Variants in AGMO observed in about 807,000 individuals in gnomAD.
AGMO encodes glyceryl-ether monooxygenase.
In AGMO, 75 loss-of-function variants were observed where a neutral mutation model predicts 60.2. The observed-to-expected ratio is 1.25, with a 90% CI of 1.03 to 1.51. The LOEUF is 1.51. AGMO is among the 40% of genes most tolerant of loss of function. The probability of loss-of-function intolerance (pLI) is 0.00; values close to 1 mark genes in which losing one functional copy is unlikely to be tolerated. For missense variants in AGMO, 763 were observed against 525.5 expected, an observed-to-expected ratio of 1.45 and a Z score of -4.42; for synonymous variants, 261 against 177.1, an observed-to-expected ratio of 1.47 and a Z score of -3.76.
chr7:15,212,066 G>C (rs1781606890), intron 12 of AGMO, among the ~76,000 whole-genome samples: 1 of 151,886 alleles, frequency 6.6e-6, no homozygotes, highest in African/African-American at 2.4e-5. Context: ...TATCTTTGCT[G>C]TATTCTAAAC....
intron 12 of AGMO, among the ~76,000 whole-genome samples, chr7:15,243,824 G>T (rs772899503): frequency 6.6e-6 from 1 of 151,946 alleles, no homozygotes; most frequent in Admixed American, 6.6e-5. Context: ...CCACTTGTCC[G>T]GTTTTGTCTG....
intron 4 of AGMO, 88 bp downstream of exon 4, chr7:15,430,917 A>ACTTTTT: frequency 2.5e-6 from 1 of 405,234 alleles, no homozygotes; most frequent in Non-Finnish European, 4.1e-6. Context: ...ACCTTCTATT[A>ACTTTTT]GTTTTTTTTT....
intron 12 of AGMO, 56 bp from the exon 13 acceptor site, chr7:15,201,415 C>CCCAA: frequency 8.2e-7 from 1 of 1,219,342 alleles, no homozygotes; most frequent in South Asian, 1.3e-5. Context: ...AATACTATTG[C>CCCAA]TCAACTGAAT....
chr7:15,333,368 A>G (rs184502241), intron 12 of AGMO, among the ~76,000 whole-genome samples: 44 of 152,302 alleles, frequency 2.9e-4, no homozygotes, highest in Non-Finnish European at 4.6e-4. Context: ...TGGTCTTAGA[A>G]ACATCAAAGT....
chr7:15,139,758 A>G, the AGMO span, among the ~76,000 whole-genome samples: 1 of 147,870 alleles, frequency 6.8e-6, no homozygotes, highest in Non-Finnish European at 1.5e-5. Context: ...TTTCCAATAT[A>G]TTCCTTTGCA....
intron 5 of AGMO, among the ~76,000 whole-genome samples, chr7:15,406,357 T>C (rs1011235560): frequency 4.3e-4 from 62 of 145,782 alleles, no homozygotes; most frequent in Middle Eastern, 3.7e-3. Flanking sequence ...TGTATATATA[T>C]GTATATACAC....
chr7:15,375,580 A>G (rs1783419385), intron 10 of AGMO, among the ~76,000 whole-genome samples: 1 of 151,920 alleles, frequency 6.6e-6, no homozygotes, highest in Non-Finnish European at 1.5e-5. Context: ...TATTTTTAGC[A>G]GAGGCGGAGG....
At chr7:15,260,769 A>G (rs531471297) in intron 12 of AGMO, among the ~76,000 whole-genome samples, 1 of 152,142 alleles carries the variant, frequency 6.6e-6, no homozygotes, top group African/African-American at 2.4e-5. Context: ...ATGTACCACA[A>G]AACAAATTTC....
chr7:15,422,870 G>T (rs1780963646), intron 4 of AGMO, among the ~76,000 whole-genome samples: 1 of 152,116 alleles, frequency 6.6e-6, no homozygotes, highest in African/African-American at 2.4e-5. Context: ...CAAGGCACAG[G>T]ATTTCAGCAG....
At chr7:15,390,080 G>A (rs1175654344) in intron 8 of AGMO, among the ~76,000 whole-genome samples, 1 of 152,032 alleles carries the variant, frequency 6.6e-6, no homozygotes, top group Non-Finnish European at 1.5e-5. Flanking sequence ...GTGGTGGTCT[G>A]ACTCTGACGG....
the AGMO span, among the ~76,000 whole-genome samples, chr7:15,157,284 C>T: frequency 6.6e-6 from 1 of 152,186 alleles, no homozygotes; most frequent in South Asian, 2.1e-4. Flanking sequence ...GATACCTTCC[C>T]AGATCACACA....
At chr7:15,340,009 A>T (rs928374303) in intron 12 of AGMO, among the ~76,000 whole-genome samples, 1 of 152,130 alleles carries the variant, frequency 6.6e-6, no homozygotes, top group Non-Finnish European at 1.5e-5. Context: ...GCACAGATAC[A>T]AGTACAAGTT....
chr7:15,336,774 T>C (rs922063375), intron 12 of AGMO, among the ~76,000 whole-genome samples: 11 of 151,796 alleles, frequency 7.2e-5, no homozygotes, highest in African/African-American at 2.7e-4. Context: ...GTTATAATAA[T>C]TACATGATTT....
At chr7:15,318,405 G>T (rs1781005913) in intron 12 of AGMO, among the ~76,000 whole-genome samples, 2 of 152,156 alleles carry the variant, frequency 1.3e-5, no homozygotes, top group Admixed American at 1.3e-4. Flanking sequence ...AAGATATTCT[G>T]CTTGAATACA....
At chr7:15,307,443 T>C (rs547522507) in intron 12 of AGMO, among the ~76,000 whole-genome samples, 1 of 152,168 alleles carries the variant, frequency 6.6e-6, no homozygotes, top group East Asian at 1.9e-4. Flanking sequence ...GCTAATCAAT[T>C]AAACTCTAAA....
At chr7:15,523,037 T>C (rs1415228361) in intron 3 of AGMO, among the ~76,000 whole-genome samples, 2 of 152,162 alleles carry the variant, frequency 1.3e-5, no homozygotes, top group South Asian at 2.1e-4. Context: ...GCAAAGGATA[T>C]GAACAGACAC....
intron 8 of AGMO, among the ~76,000 whole-genome samples, chr7:15,389,947 G>T (rs13438428): frequency 0.14 from 21,673 of 152,130 alleles, 3,922 homozygotes; most frequent in African/African-American, 0.42. Context: ...GAGCCAGTAA[G>T]TTCCTCACTT....
the AGMO span, among the ~76,000 whole-genome samples, chr7:15,163,759 G>A: frequency 4.1e-5 from 6 of 146,874 alleles, no homozygotes; most frequent in Admixed American, 7.0e-5. Flanking sequence ...ATGTTCATCT[G>A]GGATATTAGC....
the AGMO span, among the ~76,000 whole-genome samples, chr7:15,186,423 ATC>A: frequency 1.3e-5 from 2 of 152,168 alleles, no homozygotes; most frequent in South Asian, 2.1e-4. Context: ...CTCAGAATCC[ATC>A]TCTGTCTTCA....
Sources: allele counts gnomAD v4.1 joint callset (sites outside exome capture counted in the v4.1 genomes callset), GRCh38; gene constraint gnomAD v4.1.1; transcripts MANE v1.5; gene names NCBI Gene and HGNC (gene_info 2026-07-23, HGNC 2026-07-21).